HERC4: variants seen among roughly 807,000 people sequenced by gnomAD.
The protein encoded by HERC4 is HECT and RLD domain containing E3 ubiquitin protein ligase 4, also known as probable E3 ubiquitin-protein ligase HERC4.
A neutral mutation model predicts 124.3 loss-of-function variants in HERC4; 28 were observed. The ratio of observed to expected loss-of-function variants is 0.23; its 90% CI spans 0.17 to 0.31. The LOEUF (loss-of-function observed/expected upper bound fraction) is 0.31, where lower values mean the gene tolerates loss of function less well. Ranked by LOEUF, HERC4 falls within the 10% of genes least tolerant of loss-of-function variation. HERC4 has a pLI of 1.00. For missense variants in HERC4, 713 were observed against 1,229.3 expected (o/e 0.58, Z 6.28); for synonymous variants, 407 against 421.5 (o/e 0.97, Z 0.42).
At chr10:67,946,586 AG>A (rs1327488849) in intron 19 of HERC4, among the ~76,000 whole-genome samples, 1 of 152,146 alleles carries the variant, frequency 6.6e-6, no homozygotes, top group East Asian at 1.9e-4. Flanking sequence ...ATAATGATAA[AG>A]GGGTCAATTA....
rs772840921 is a variant in HERC4 at position 68,031,578 on chromosome 10, C to T, written c.777+1200G>A. 7.2e-5 allele frequency among the ~76,000 whole-genome samples: 11 copies of T among 152,202 alleles called. No homozygotes were observed. The South Asian group carries it at 1.2e-3, about 17-fold the overall frequency. On this transcript the variant is annotated intron_variant, in intron 7 of 24. Coordinates refer to ENST00000373700, the MANE Select transcript of HERC4 (RefSeq NM_015601.4). ...AGATTGGCAGGTATAATAATCCTTC[C>T]TTACTAAAAGGCAAGTACTACAAAA...
chr10:67,965,298 T>C (rs1313412381), intron 16 of HERC4: 2 of 152,094 alleles, frequency 1.3e-5, no homozygotes, highest in Non-Finnish European at 2.9e-5. Flanking sequence ...ATTTTTTGCT[T>C]TGTTTGACTA....
intron 3 of HERC4, among the ~76,000 whole-genome samples, chr10:68,050,979 A>G (rs1333895065): frequency 1.3e-5 from 2 of 152,140 alleles, no homozygotes; most frequent in East Asian, 1.9e-4. Flanking sequence ...ATTATTTACT[A>G]TGTTCCAGGT....
chr10:67,998,424 G>GT (rs895510387), intron 9 of HERC4, among the ~76,000 whole-genome samples: 36 of 151,372 alleles, frequency 2.4e-4, no homozygotes, highest in African/African-American at 8.7e-4. Context: ...AGCACTGCTT[G>GT]TAATTCCAGC....
chr10:68,054,458 A>T (rs2040457711), intron 3 of HERC4, among the ~76,000 whole-genome samples: 1 of 151,414 alleles, frequency 6.6e-6, no homozygotes, highest in Non-Finnish European at 1.5e-5. Context: ...GGTTCAAGAA[A>T]TTCTCCTGCC....
intron 19 of HERC4, among the ~76,000 whole-genome samples, chr10:67,950,540 T>A (rs1278227989): frequency 1.3e-5 from 2 of 152,098 alleles, no homozygotes; most frequent in Non-Finnish European, 2.9e-5. Context: ...CCTCCCAAAG[T>A]GCTGGGATTA....
chr10:67,975,366 G>C (rs1463277154), intron 15 of HERC4, among the ~76,000 whole-genome samples: 1 of 152,102 alleles, frequency 6.6e-6, no homozygotes, highest in East Asian at 1.9e-4. Context: ...CCAAGGTCAC[G>C]TAAGTAACAG....
chr10:68,072,839 T>A, intron 3 of HERC4, 44 bp downstream of exon 3: 1 of 1,297,362 alleles, frequency 7.7e-7, no homozygotes, highest in Non-Finnish European at 1.1e-6. Context: ...TTTAAAATGA[T>A]ATAATTATTA....
chr10:67,991,801 G>A (rs2036566101), intron 11 of HERC4, among the ~76,000 whole-genome samples: 1 of 152,032 alleles, frequency 6.6e-6, no homozygotes, highest in African/African-American at 2.4e-5. Flanking sequence ...ATCCTAAAAT[G>A]GCTACATTAA....
chr10:68,066,101 T>C (rs1020706267), intron 3 of HERC4, among the ~76,000 whole-genome samples: 6 of 152,220 alleles, frequency 3.9e-5, no homozygotes, highest in African/African-American at 1.2e-4. Flanking sequence ...TAAACTCTTA[T>C]ATAAACATTT....
intron 19 of HERC4, among the ~76,000 whole-genome samples, chr10:67,949,983 C>T (rs1207519752): frequency 6.6e-6 from 1 of 151,844 alleles, no homozygotes; most frequent in African/African-American, 2.4e-5. Flanking sequence ...TGTGCCACTG[C>T]ACTCCAGCCT....
chr10:68,021,972 A>G (rs2038652004), intron 8 of HERC4, among the ~76,000 whole-genome samples: 1 of 152,228 alleles, frequency 6.6e-6, no homozygotes, highest in Non-Finnish European at 1.5e-5. Context: ...ATCTACACAC[A>G]AAAATTAGCT....
Position 68,059,873 on chromosome 10 carries a change from A to T in HERC4, c.226+13010T>A, listed in dbSNP as rs1438638964. Among the ~76,000 whole-genome samples the T allele has an allele frequency of 1.9e-4, 14 of 73,492 alleles. 1 individual carries two copies. The highest frequency in any genetic ancestry group is 8.1e-4 in the African/African-American group (6 of 7,372). 48.2% of individuals were successfully genotyped at this position (73,492 alleles called of 152,430 possible). On this transcript the variant is annotated intron_variant, in intron 3 of 24. Coordinates refer to ENST00000373700, the MANE Select transcript of HERC4 (RefSeq NM_015601.4). ...TATATATCATAATATTATATATTAT[A>T]ATAATATTATATATCATAATATTAT... is the stretch of plus-strand genomic sequence containing the variant.
intron 23 of HERC4, among the ~76,000 whole-genome samples, chr10:67,927,627 A>G (rs2031277733): frequency 1.3e-5 from 2 of 151,014 alleles, no homozygotes; most frequent in South Asian, 2.1e-4. Context: ...GGGTTTCACT[A>G]TGTTGGCCAG....
chr10:67,985,450 T>C (rs2036204797), intron 15 of HERC4, among the ~76,000 whole-genome samples: 2 of 152,242 alleles, frequency 1.3e-5, no homozygotes, highest in South Asian at 2.1e-4. Flanking sequence ...AACACTTTTA[T>C]TTCACATTTT....
chr10:68,033,950 A>G lies in HERC4; in HGVS notation c.685+15T>C. The G allele has an allele frequency of 6.2e-7, 1 of 1,603,798 alleles. No individual in the cohort carries two copies. The highest frequency in any genetic ancestry group is 8.5e-7 in the Non-Finnish European group (1 of 1,170,866). On this transcript the variant is annotated intron_variant, in intron 6 of 24. Coordinates refer to ENST00000373700, the MANE Select transcript of HERC4 (RefSeq NM_015601.4). Reference sequence around the variant, plus strand: ...TTCAAAAAGTACACTTAAACTATACATAATGAGAACCTACCATTTTCATCA... The same window carrying G: ...TTCAAAAAGTACACTTAAACTATACGTAATGAGAACCTACCATTTTCATCA...
At chr10:67,995,709 A>AT (rs2036833926) in intron 9 of HERC4, among the ~76,000 whole-genome samples, 1 of 152,112 alleles carries the variant, frequency 6.6e-6, no homozygotes. Flanking sequence ...ATTTAAACAA[A>AT]TTTATCTAAT....
intron 9 of HERC4, among the ~76,000 whole-genome samples, chr10:67,998,964 C>T (rs2037066362): frequency 6.6e-6 from 1 of 152,126 alleles, no homozygotes; most frequent in Non-Finnish European, 1.5e-5. Flanking sequence ...CTCCTGACCT[C>T]AGGTGATACA....
chr10:67,970,786 C>CTA (rs1315500409), intron 15 of HERC4, among the ~76,000 whole-genome samples: 1 of 151,554 alleles, frequency 6.6e-6, no homozygotes. Flanking sequence ...AAAAGAAAAT[C>CTA]TATAGCATTA....
Sources: allele counts gnomAD v4.1 joint callset (sites outside exome capture counted in the v4.1 genomes callset), GRCh38; gene constraint gnomAD v4.1.1; transcripts MANE v1.5; gene names NCBI Gene and HGNC (gene_info 2026-07-23, HGNC 2026-07-21).